The following PMM2 variants were observed in gnomAD, a reference collection of about 807,000 sequenced individuals.
PMM2 encodes phosphomannomutase 2.
In PMM2, 35 loss-of-function variants were observed where a neutral mutation model predicts 33.2. The ratio of observed to expected loss-of-function variants is 1.06; its 90% CI spans 0.81 to 1.40. PMM2 has a LOEUF of 1.40. PMM2 is among the 40% of genes most tolerant of loss of function. The probability of loss-of-function intolerance (pLI) is 0.00; values close to 1 mark genes in which losing one functional copy is unlikely to be tolerated. For missense variants in PMM2, 386 were observed against 306.0 expected (o/e 1.26, Z -1.95); for synonymous variants, 153 against 114.7 (o/e 1.33, Z -2.13).
At chr16:8,830,881 G>A (rs2060805559) in intron 7 of PMM2, among the ~76,000 whole-genome samples, 1 of 152,262 alleles carries the variant, frequency 6.6e-6, no homozygotes, top group African/African-American at 2.4e-5. Flanking sequence ...GCTCACGCCT[G>A]TAATCCCAGC....
At chr16:8,823,932 A>G (rs747463154) in intron 7 of PMM2, among the ~76,000 whole-genome samples, 6 of 152,228 alleles carry the variant, frequency 3.9e-5, no homozygotes, top group Non-Finnish European at 8.8e-5. Context: ...ATGTCGTACC[A>G]GTCAAAGCCT....
intron 7 of PMM2, among the ~76,000 whole-genome samples, chr16:8,824,992 T>C (rs2060758656): frequency 6.6e-6 from 1 of 152,254 alleles, no homozygotes; most frequent in African/African-American, 2.4e-5. Flanking sequence ...AAACCAAATT[T>C]TATCTCGCAT....
At chr16:8,827,866 T>TATATATATTGTATAATATATA (rs1491433023) in intron 7 of PMM2, among the ~76,000 whole-genome samples, 5 of 92,148 alleles carry the variant, frequency 5.4e-5, no homozygotes, top group East Asian at 6.3e-4. Flanking sequence ...TGTTATATAT[T>TATATATATTGTATAATATATA]ATATATATGT....
At chr16:8,832,892 C>G in intron 7 of PMM2, 1 of 985,432 alleles carries the variant, frequency 1.0e-6, no homozygotes, top group Non-Finnish European at 1.2e-6. Flanking sequence ...GTTCCCTCAC[C>G]CTCCAGGCCT....
At chr16:8,816,674 G>A (rs559144414) in intron 7 of PMM2, among the ~76,000 whole-genome samples, 1 of 152,114 alleles carries the variant, frequency 6.6e-6, no homozygotes, top group South Asian at 2.1e-4. Flanking sequence ...CCGGGAGGTG[G>A]AGGTTGCAGT....
At chr16:8,833,858 T>G (rs2060826915) in intron 7 of PMM2, among the ~76,000 whole-genome samples, 1 of 152,042 alleles carries the variant, frequency 6.6e-6, no homozygotes, top group Non-Finnish European at 1.5e-5. Context: ...CCAGCAAAGA[T>G]TATTTATTTA....
In PMM2 at chr16:8,847,547, T is replaced by G. The variant is rs1025351141; in HGVS notation, c.640-177T>G. ...GTTCAAGAGAAGGTTATAAATCTCT[T>G]CTTAATAACAATTGTACTCACGTTC... On this transcript the variant is annotated intron_variant, in intron 7 of 7. Coordinates refer to ENST00000268261, the MANE Select transcript of PMM2 (RefSeq NM_000303.3). The G allele has an allele frequency of 1.0e-4, 64 of 619,470 alleles. No individual in the cohort carries two copies. In the African/African-American group the frequency reaches 1.1e-3, roughly 11 times the overall value. The allele number at this position is 619,470 out of a possible 1,614,324, so 38.4% of individuals were successfully genotyped here.
chr16:8,819,642 C>A (rs894806903), intron 7 of PMM2, among the ~76,000 whole-genome samples: 2 of 151,532 alleles, frequency 1.3e-5, no homozygotes, highest in African/African-American at 2.4e-5. Context: ...TTATAGTGAG[C>A]CACGATTGCG....
intron 7 of PMM2, among the ~76,000 whole-genome samples, chr16:8,838,670 G>GAA (rs1281182747): frequency 6.6e-6 from 1 of 151,942 alleles, no homozygotes. Flanking sequence ...GATGAATTGA[G>GAA]AAACTAAACA....
At chr16:8,798,077 C>A in intron 1 of PMM2, 129 bp downstream of exon 1, 1 of 873,234 alleles carries the variant, frequency 1.1e-6, no homozygotes, top group Non-Finnish European at 1.8e-6. Context: ...CGGCGCTGAA[C>A]CCTATTCTGG....
intron 7 of PMM2, among the ~76,000 whole-genome samples, chr16:8,813,415 T>G (rs2060689075): frequency 6.6e-6 from 1 of 152,220 alleles, no homozygotes; most frequent in South Asian, 2.1e-4. Context: ...TGTCAAACCC[T>G]CTGCGTTTCA....
intron 7 of PMM2, among the ~76,000 whole-genome samples, chr16:8,826,896 AT>A (rs1222404705): frequency 6.6e-6 from 1 of 152,138 alleles, no homozygotes; most frequent in Non-Finnish European, 1.5e-5. Flanking sequence ...TCTTTCGTGA[AT>A]AATCAGTCGT....
intron 1 of PMM2, among the ~76,000 whole-genome samples, chr16:8,799,517 A>G (rs1344848241): frequency 2.0e-5 from 3 of 151,432 alleles, no homozygotes; most frequent in South Asian, 4.2e-4. Flanking sequence ...CATTCAGGAA[A>G]GTGCTTCTGA....
At chr16:8,833,888 C>T (rs1251850104) in intron 7 of PMM2, among the ~76,000 whole-genome samples, 3 of 152,082 alleles carry the variant, frequency 2.0e-5, no homozygotes, top group Non-Finnish European at 4.4e-5. Flanking sequence ...TTTAGAGTGG[C>T]AGTTTGGGGA....
chr16:8,803,893 A>G (rs1254970864), intron 2 of PMM2, among the ~76,000 whole-genome samples: 1 of 151,356 alleles, frequency 6.6e-6, no homozygotes, highest in African/African-American at 2.4e-5. Flanking sequence ...CATGTTGGCC[A>G]GGCTGGTCTT....
chr16:8,821,338 C>A (rs2060738185), intron 7 of PMM2, among the ~76,000 whole-genome samples: 1 of 152,158 alleles, frequency 6.6e-6, no homozygotes, highest in South Asian at 2.1e-4. Context: ...GAGCCACGAG[C>A]TTCAGATGTT....
rs558826439 is a variant in PMM2 at position 8,847,766 on chromosome 16, G to T, written c.682G>T (p.Gly228Cys). 2 of 1,614,064 alleles carry T rather than the reference G, an allele frequency of 1.2e-6. No homozygotes were observed. Among genetic ancestry groups the T allele is most frequent in the Non-Finnish European group, 1.7e-6 (2 of 1,179,984 alleles). Residue 228 changes from glycine to cysteine, a missense_variant, in exon 8 of 8, where the codon GGC (glycine) becomes TGC (cysteine). Coordinates refer to ENST00000268261, the MANE Select transcript of PMM2 (RefSeq NM_000303.3). ...HEIFTDPRTMGYSVTAPEDTR... is the reference protein window; with the variant it reads ...HEIFTDPRTMCYSVTAPEDTR... Reference sequence around the variant, plus strand: ...GATCTTCACAGACCCCAGAACCATGGGCTACTCCGTGACAGCGCCTGAGGA... The same window carrying T: ...GATCTTCACAGACCCCAGAACCATGTGCTACTCCGTGACAGCGCCTGAGGA...
At chr16:8,802,132 A>G (rs1052159609) in intron 2 of PMM2, 10 of 536,136 alleles carry the variant, frequency 1.9e-5, no homozygotes, top group Non-Finnish European at 1.8e-5. Flanking sequence ...GTGTGAGTAG[A>G]TTCACCTAGA....
chr16:8,831,176 T>A (rs2060807535), intron 7 of PMM2, among the ~76,000 whole-genome samples: 1 of 152,112 alleles, frequency 6.6e-6, no homozygotes, highest in East Asian at 1.9e-4. Context: ...TAAACTGAAT[T>A]CCTCCCAAGG....
Sources: gnomAD v4.1 joint callset for allele counts (sites outside exome capture counted in the v4.1 genomes callset) on GRCh38, gnomAD v4.1.1 for gene constraint, MANE v1.5 for transcripts, NCBI Gene and HGNC (gene_info 2026-07-23, HGNC 2026-07-21) for gene names.